DENND2B: variants seen among roughly 807,000 people sequenced by gnomAD.
The protein encoded by DENND2B is DENN domain-containing protein 2B.
Under a neutral mutation model 116.0 loss-of-function variants are expected in DENND2B, and 32 were observed. The ratio of observed to expected loss-of-function variants is 0.28; its 90% CI spans 0.21 to 0.37. The LOEUF (loss-of-function observed/expected upper bound fraction) is 0.37. Ranked by LOEUF, DENND2B falls within the 10% of genes least tolerant of loss-of-function variation. The pLI, the probability that DENND2B is intolerant of heterozygous loss-of-function variation, is 1.00. For missense variants in DENND2B, 1,276 were observed against 1,477.7 expected (o/e 0.86, Z 2.24); for synonymous variants, 588 against 583.9 (o/e 1.01, Z -0.10).
chr11:8,882,048 T>C lies in DENND2B; in HGVS notation c.-255-939A>G, dbSNP rs532622938. ...TACACAGCCCATCCTGGACATCTTA[T>C]CTACTTGCATGGTTTCAATTCAATT... On this transcript the variant is annotated intron_variant, in intron 1 of 22. Coordinates refer to the DENND2B transcript ENST00000534127. Among the ~76,000 whole-genome samples the C allele has an allele frequency of 7.9e-5, 12 of 152,280 alleles. No homozygotes were observed. The South Asian group carries it at 2.3e-3, about 29-fold the overall frequency.
chr11:8,856,350 C>T (rs535274409), intron 3 of DENND2B, among the ~76,000 whole-genome samples: 6 of 152,298 alleles, frequency 3.9e-5, no homozygotes, highest in Non-Finnish European at 8.8e-5. Context: ...TTTATGCTGA[C>T]TTTCAAAGTG....
intron 3 of DENND2B, among the ~76,000 whole-genome samples, chr11:8,844,810 C>T (rs2134627995): frequency 6.6e-6 from 1 of 152,118 alleles, no homozygotes; most frequent in South Asian, 2.1e-4. Context: ...TCATAGCTCA[C>T]TGCAGCCTCA....
rs1416605156 is a variant in DENND2B, at chr11:8,717,912, AGAG to A, written c.1478-23_1478-21del. The A allele has an allele frequency of 1.9e-6, 3 of 1,602,150 alleles. No individual in the cohort carries two copies. The African/African-American group carries it at 4.0e-5, about 21-fold the overall frequency. ...GATCTCCTGCAGAGGAGGAAGAGTTAGAGAAGGGGGAGAAGGGAAGAAGGAAAC... is the reference window on the plus strand; with the variant it reads ...GATCTCCTGCAGAGGAGGAAGAGTTAAAGGGGGAGAAGGGAAGAAGGAAAC... On this transcript the variant is annotated intron_variant, in intron 4 of 19. Coordinates refer to ENST00000313726, the MANE Select transcript of DENND2B (RefSeq NM_213618.2).
chr11:8,700,069 G>GA (rs1180790104), intron 14 of DENND2B: 3 of 451,710 alleles, frequency 6.6e-6, no homozygotes, highest in African/African-American at 6.0e-5. Context: ...TGGCCTGGGG[G>GA]GGGGCAGGGT....
intron 1 of DENND2B, among the ~76,000 whole-genome samples, chr11:8,763,533 A>G (rs2055059410): frequency 6.6e-6 from 1 of 151,798 alleles, no homozygotes; most frequent in South Asian, 2.1e-4. Context: ...ATTTTACATA[A>G]TGATTACTAT....
intron 1 of DENND2B, among the ~76,000 whole-genome samples, chr11:8,894,962 C>A (rs972796080): frequency 2.6e-5 from 4 of 152,002 alleles, no homozygotes; most frequent in African/African-American, 9.7e-5. Context: ...ATGTTTATTG[C>A]GGCACTATTC....
chr11:8,809,153 A>T (rs1365988236), intron 1 of DENND2B: 1 of 152,222 alleles, frequency 6.6e-6, no homozygotes, highest in Non-Finnish European at 1.5e-5. Context: ...TAACTTCAGA[A>T]GTGGACCGTC....
intron 2 of DENND2B, among the ~76,000 whole-genome samples, chr11:8,876,502 C>G (rs987361561): frequency 2.6e-5 from 4 of 152,054 alleles, no homozygotes; most frequent in Non-Finnish European, 5.9e-5. Flanking sequence ...TATCAGCTCA[C>G]AAAAAGGTTC....
Position 8,702,893 on chromosome 11 carries a change from G to A in DENND2B, c.2572-173C>T, listed in dbSNP as rs1285840833. 5 of 786,444 alleles carry A rather than the reference G, an allele frequency of 6.4e-6. No individual in the cohort carries two copies. The highest frequency in any genetic ancestry group is 9.8e-6 in the Non-Finnish European group (5 of 512,020). The allele number at this position is 786,444 out of a possible 1,614,324, so 48.7% of individuals were successfully genotyped here. A position where few individuals can be genotyped will look rare whatever the true frequency, so the allele number is the denominator to read the frequency against. On this transcript the variant is annotated intron_variant, in intron 13 of 19. Coordinates refer to ENST00000313726, the MANE Select transcript of DENND2B (RefSeq NM_213618.2). This position sits in a 1 kb window ranked among gnomAD's most constrained non-coding sequence, Gnocchi z 4.6. ...TCTCCATCCCTCGGACTACAGCTCT[G>A]CTCTCGTAGCACTCGAACACCCAGC... is the stretch of plus-strand genomic sequence containing the variant.
intron 1 of DENND2B, among the ~76,000 whole-genome samples, chr11:8,803,274 A>C (rs2060511979): frequency 6.6e-6 from 1 of 152,156 alleles, no homozygotes; most frequent in Non-Finnish European, 1.5e-5. Flanking sequence ...AATCCCAGCT[A>C]CTGGGGAGGC....
intron 4 of DENND2B, among the ~76,000 whole-genome samples, chr11:8,816,341 T>C (rs2061566688): frequency 6.6e-6 from 1 of 151,444 alleles, no homozygotes; most frequent in Non-Finnish European, 1.5e-5. Context: ...AGCCCAGGAG[T>C]TCAAGACTAG....
In DENND2B at chr11:8,804,547, C is replaced by CTTTTTTTTTT. The variant is rs58169547; in HGVS notation, c.-26+5960_-26+5969dup. ...ACGAGATGCAAAATAGCAGCTACTTCTTTTTTTTTTTTTTTGAGACGAAGT... is the reference window on the plus strand; with the variant it reads ...ACGAGATGCAAAATAGCAGCTACTTCTTTTTTTTTTTTTTTTTTTTTTTTTGAGACGAAGT... On this transcript the variant is annotated intron_variant, in intron 1 of 19. Coordinates refer to ENST00000313726, the MANE Select transcript of DENND2B (RefSeq NM_213618.2). Among the ~76,000 whole-genome samples the CTTTTTTTTTT allele has an allele frequency of 2.3e-5, 3 of 129,620 alleles. 1 individual carries two copies. Among genetic ancestry groups the CTTTTTTTTTT allele is most frequent in the Non-Finnish European group, 3.2e-5 (2 of 63,220 alleles). The allele number at this position is 129,620 out of a possible 152,430, so 85.0% of individuals were successfully genotyped here.
chr11:8,896,142 G>A (rs986337783), intron 1 of DENND2B, among the ~76,000 whole-genome samples: 2 of 152,076 alleles, frequency 1.3e-5, no homozygotes, highest in Non-Finnish European at 2.9e-5. Context: ...ATTTTCTCTA[G>A]AACTGGTATA....
intron 2 of DENND2B, among the ~76,000 whole-genome samples, chr11:8,741,872 A>C (rs2050270815): frequency 6.6e-6 from 1 of 152,074 alleles, no homozygotes; most frequent in Admixed American, 6.6e-5. Flanking sequence ...ACTGAGCCCC[A>C]CCACAAGCCT....
chr11:8,711,212 T>G lies in DENND2B; in HGVS notation c.2192A>C (p.Gln731Pro), dbSNP rs1264210024. The stretch of plus-strand genomic sequence containing the variant: ...GAGCCTTTCCTCTGCCTCTCGCATC[T>G]GCTTGGTGGGTCGGTCCAGCTGCAG... Reference protein sequence around the residue: ...QFPKLDRPTKQMREAEERLKA... With the variant: ...QFPKLDRPTKPMREAEERLKA... Residue 731 changes from glutamine (Q) to proline (P), a missense_variant, in exon 10 of 20, where the codon CAG becomes CCG. By Grantham distance (76) the Gln-to-Pro change is moderately conservative (BLOSUM62 -1). Transcript: ENST00000313726. 6.2e-7 allele frequency: 1 copy of G among 1,613,936 alleles called. No homozygotes were observed. Among genetic ancestry groups the G allele is most frequent in the South Asian group, 1.1e-5 (1 of 91,086 alleles).
chr11:8,726,276 C>T, intron 3 of DENND2B, 67 bp from the exon 4 acceptor site: 1 of 1,543,158 alleles, frequency 6.5e-7, no homozygotes, highest in Non-Finnish European at 8.7e-7. Flanking sequence ...TGGGGAATGT[C>T]CATGGCAACA....
intron 4 of DENND2B, chr11:8,718,713 G>A: frequency 8.7e-7 from 1 of 1,143,820 alleles, no homozygotes; most frequent in African/African-American, 1.6e-5. Flanking sequence ...TGCTTCTCAG[G>A]ACTAGTTCTA....
chr11:8,783,908 G>C (rs2058639380), intron 1 of DENND2B: 1 of 152,268 alleles, frequency 6.6e-6, no homozygotes, highest in African/African-American at 2.4e-5. Flanking sequence ...GAAGGCAAGA[G>C]TGAGGAGGAC....
At position 8,730,482 on chromosome 11, in the gene DENND2B, T is replaced by C. The variant is rs747418277; in HGVS notation, c.808A>G (p.Arg270Gly). 7 of 1,612,056 alleles carry C rather than the reference T, an allele frequency of 4.3e-6. No individual in the cohort carries two copies. The South Asian group carries it at 6.6e-5, about 15-fold the overall frequency. ...LGRSEPSAFL[R>G]GHGSRKESSA... ...CTCTCCTTCCTGCTGCCATGCCCCCTGAGGAAGGCGCTGGGCTCACTCCGG... is the reference window on the plus strand; with the variant it reads ...CTCTCCTTCCTGCTGCCATGCCCCCCGAGGAAGGCGCTGGGCTCACTCCGG... Residue 270 changes from arginine to glycine, a missense_variant, in exon 3 of 20, where the codon AGG (arginine) becomes GGG (glycine). Physicochemically the swap from Arg to Gly is moderately radical, Grantham distance 125 (BLOSUM62 -2). Coordinates refer to ENST00000313726, the MANE Select transcript of DENND2B (RefSeq NM_213618.2). The surrounding 1 kb of genome is among the most constrained non-coding windows in gnomAD (Gnocchi z 4.1).
Sources: allele counts gnomAD v4.1 joint callset (sites outside exome capture counted in the v4.1 genomes callset), GRCh38; gene constraint gnomAD v4.1.1; non-coding constraint Gnocchi (gnomAD v3.1); transcripts MANE v1.5; gene names NCBI Gene and HGNC (gene_info 2026-07-23, HGNC 2026-07-21).